Variants in KIAA0753 observed in about 807,000 individuals in gnomAD.
KIAA0753 encodes the protein KIAA0753.
A neutral mutation model predicts 116.9 loss-of-function variants in KIAA0753; 114 were observed. That is an observed-to-expected ratio of 0.98 (90% CI 0.84 to 1.14). The LOEUF (loss-of-function observed/expected upper bound fraction) is 1.14. Among genes scored for constraint, KIAA0753 ranks in the 50% most tolerant of loss-of-function variants. The pLI, the probability that KIAA0753 is intolerant of heterozygous loss-of-function variation, is 0.00. For missense variants in KIAA0753, 1,156 were observed against 1,172.4 expected (o/e 0.99, Z 0.20); for synonymous variants, 405 against 413.1 (o/e 0.98, Z 0.24).
intron 6 of KIAA0753, 110 bp downstream of exon 6, chr17:6,622,772 T>A: frequency 1.1e-6 from 1 of 907,998 alleles, no homozygotes. Context: ...AAGCTTTAAT[T>A]CACTAGGTAA....
intron 18 of KIAA0753, among the ~76,000 whole-genome samples, chr17:6,586,091 G>A (rs980925924): frequency 1.3e-5 from 2 of 152,224 alleles, no homozygotes; most frequent in Admixed American, 6.6e-5. Context: ...GAGTTCTCAT[G>A]AGATCTGGTC....
Position 6,589,852 on chromosome 17 carries a change from G to T in KIAA0753, c.2713C>A (p.Arg905Ser), listed in dbSNP as rs777236349. 9 of 1,614,028 alleles carry T rather than the reference G, an allele frequency of 5.6e-6. No individual in the cohort carries two copies. The highest frequency in any genetic ancestry group is 6.8e-6 in the Non-Finnish European group (8 of 1,179,962). ...ATGATCCGAAGGTACTGCTCAAAACGACTACAGTAGTCACCGATGCTGTGC... is the reference window on the plus strand; with the variant it reads ...ATGATCCGAAGGTACTGCTCAAAACTACTACAGTAGTCACCGATGCTGTGC... ...MQHSIGDYCS[R>S]FEQYLRIISH... The change falls in exon 18 of 19, where the codon CGT becomes AGT. Residue 905 changes from arginine (R) to serine (S), a missense_variant. Coordinates refer to ENST00000361413, the MANE Select transcript of KIAA0753 (RefSeq NM_014804.3).
intron 7 of KIAA0753, among the ~76,000 whole-genome samples, chr17:6,620,435 C>T (rs3070662): frequency 0.61 from 90,127 of 148,022 alleles, 27,465 homozygotes; most frequent in East Asian, 0.71. Context: ...TATATATATA[C>T]ACATATATAT....
chr17:6,593,997 T>A (rs1311572092), intron 16 of KIAA0753, among the ~76,000 whole-genome samples: 4 of 152,162 alleles, frequency 2.6e-5, no homozygotes, highest in African/African-American at 7.2e-5. Context: ...ATGTAGGAAA[T>A]AGGAGCAAGG....
chr17:6,593,790 A>G (rs1373529459), intron 16 of KIAA0753, among the ~76,000 whole-genome samples: 1 of 152,214 alleles, frequency 6.6e-6, no homozygotes, highest in Non-Finnish European at 1.5e-5. Context: ...AGGCTGAGGC[A>G]ACAAGAATCG....
rs565713551 is a variant in KIAA0753 at position 6,586,547 on chromosome 17, T to A, written c.2786+3232A>T. Among the ~76,000 whole-genome samples, 15 of 152,374 alleles carry A rather than the reference T, an allele frequency of 9.8e-5. No individual in the cohort carries two copies. The East Asian group carries it at 2.5e-3, about 25-fold the overall frequency. On this transcript the variant is annotated intron_variant, in intron 18 of 18. Coordinates refer to ENST00000361413, the MANE Select transcript of KIAA0753 (RefSeq NM_014804.3). ...TTTCTTGTTTGCTGTCATTGATGGTTTCATGTGTTTTATTCATTCTTGTAG... is the reference window on the plus strand; with the variant it reads ...TTTCTTGTTTGCTGTCATTGATGGTATCATGTGTTTTATTCATTCTTGTAG...
At chr17:6,631,193 A>C (rs1458168050) in intron 2 of KIAA0753, among the ~76,000 whole-genome samples, 1 of 152,238 alleles carries the variant, frequency 6.6e-6, no homozygotes, top group Non-Finnish European at 1.5e-5. Context: ...CAATGAACCA[A>C]ACTGAATCTC....
chr17:6,630,543 T>C lies in KIAA0753; in HGVS notation c.94-1802A>G, dbSNP rs1414242196. ...AAGCAGGCAACTTGAAGGACAAGTA[T>C]CACATTTAACTTTTGACCCAGGAGT... On this transcript the variant is annotated intron_variant, in intron 2 of 18. Coordinates refer to ENST00000361413, the MANE Select transcript of KIAA0753 (RefSeq NM_014804.3). Among the ~76,000 whole-genome samples, 6 of 152,118 alleles carry C rather than the reference T, an allele frequency of 3.9e-5. No individual in the cohort carries two copies. In the East Asian group the frequency reaches 1.2e-3, roughly 29 times the overall value.
At chr17:6,633,407 G>A (rs1005538817) in intron 2 of KIAA0753, among the ~76,000 whole-genome samples, 23 of 152,170 alleles carry the variant, frequency 1.5e-4, no homozygotes, top group African/African-American at 5.6e-4. Flanking sequence ...CAAAGATGTG[G>A]AGCAACTGGA....
chr17:6,591,065 G>GGAAGAAGA (rs1567540856), intron 16 of KIAA0753, among the ~76,000 whole-genome samples: 17 of 80,764 alleles, frequency 2.1e-4, no homozygotes, highest in Non-Finnish European at 2.3e-5. Context: ...AGAAGAAGAA[G>GGAAGAAGA]AAGAAGAAGA....
intron 5 of KIAA0753, 145 bp from the exon 6 acceptor site, chr17:6,623,242 T>C: frequency 1.2e-6 from 1 of 841,168 alleles, no homozygotes; most frequent in South Asian, 1.9e-5. Context: ...AAGGGAGTTG[T>C]AAAGTTTAAA....
intron 18 of KIAA0753, among the ~76,000 whole-genome samples, chr17:6,582,989 T>G (rs1265543521): frequency 6.6e-6 from 1 of 152,162 alleles, no homozygotes; most frequent in East Asian, 1.9e-4. Flanking sequence ...CAATATTCAC[T>G]TTAACCTACC....
At position 6,620,845 on chromosome 17, in the gene KIAA0753, T is replaced by C. The variant is rs377021077; in HGVS notation, c.1258A>G (p.Lys420Glu). ...PKGERRPLTA[K>E]DTFPQETSRP... The stretch of plus-strand genomic sequence containing the variant: ...CTTGTTTCCTGTGGGAATGTGTCCT[T>C]TGCTGTGAGGGGCCTCCTCTCACCC... The change falls in exon 7 of 19, where the codon AAG becomes GAG. Residue 420 changes from lysine to glutamate, a missense_variant. Physicochemically the swap from Lys to Glu is moderately conservative, Grantham distance 56. Transcript: ENST00000361413. 3 of 1,614,088 alleles carry C rather than the reference T, an allele frequency of 1.9e-6. No homozygotes were observed. Among genetic ancestry groups the C allele is most frequent in the African/African-American group, 2.7e-5 (2 of 74,936 alleles).
In KIAA0753 at chr17:6,596,353, G is replaced by T; in HGVS notation, c.2173-10C>A. 6.2e-7 allele frequency: 1 copy of T among 1,605,072 alleles called. No homozygotes were observed. The highest frequency in any genetic ancestry group is 8.5e-7 in the Non-Finnish European group (1 of 1,173,214). ...AATCAACAGCTGCAACCTACAAGAT[G>T]GGGTGGGGTGGGGAGGAGAGGCATG... On this transcript the variant is annotated splice_polypyrimidine_tract_variant and intron_variant, in intron 14 of 18. Transcript: ENST00000361413.
chr17:6,583,448 GTT>G (rs1195572108), intron 18 of KIAA0753, among the ~76,000 whole-genome samples: 4 of 152,046 alleles, frequency 2.6e-5, no homozygotes, highest in African/African-American at 4.8e-5. Context: ...TTTGTGACTC[GTT>G]TTCTCTCTCT....
intron 1 of KIAA0753, chr17:6,636,015 G>A (rs914499712): frequency 6.6e-6 from 1 of 152,150 alleles, no homozygotes; most frequent in African/African-American, 2.4e-5. Flanking sequence ...ACACAATTTA[G>A]CATTTGTTGA....
chr17:6,634,897 T>G (rs1972217611), intron 2 of KIAA0753, 114 bp downstream of exon 2: 2 of 694,958 alleles, frequency 2.9e-6, no homozygotes, highest in Non-Finnish European at 4.9e-6. Flanking sequence ...CAGAAAAAAT[T>G]GTTAGCAATT....
intron 2 of KIAA0753, among the ~76,000 whole-genome samples, chr17:6,629,712 C>T (rs145318609): frequency 6.6e-6 from 1 of 152,290 alleles, no homozygotes; most frequent in East Asian, 1.9e-4. Flanking sequence ...TTGGAGATGG[C>T]CTCCCCTGCT....
intron 18 of KIAA0753, among the ~76,000 whole-genome samples, chr17:6,589,426 G>A (rs982526506): frequency 2.0e-5 from 3 of 150,970 alleles, no homozygotes; most frequent in Non-Finnish European, 3.0e-5. Flanking sequence ...CGCAGTCGAT[G>A]GTATTCTGTG....
Sources: gnomAD v4.1 joint callset for allele counts (sites outside exome capture counted in the v4.1 genomes callset) on GRCh38, gnomAD v4.1.1 for gene constraint, MANE v1.5 for transcripts, NCBI Gene and HGNC (gene_info 2026-07-23, HGNC 2026-07-21) for gene names.